Variants in SPDYA observed in about 807,000 individuals in gnomAD.
SPDYA encodes speedy protein A.
A neutral mutation model predicts 36.7 loss-of-function variants in SPDYA; 11 were observed. The observed-to-expected ratio is 0.30, with a 90% CI of 0.19 to 0.50. The LOEUF is 0.50. SPDYA is among the 20% of genes least tolerant of loss of function. SPDYA has a pLI of 0.98. For missense variants in SPDYA, 287 were observed against 370.9 expected, an observed-to-expected ratio of 0.77 and a Z score of 1.86; for synonymous variants, 115 against 118.7, an observed-to-expected ratio of 0.97 and a Z score of 0.20.
intron 5 of SPDYA, among the ~76,000 whole-genome samples, chr2:28,824,348 G>A (rs1230458399): frequency 2.0e-5 from 3 of 151,562 alleles, no homozygotes; most frequent in Admixed American, 1.3e-4. Flanking sequence ...ATGGTGGCAT[G>A]TGCCTGTAGT....
intron 6 of SPDYA, among the ~76,000 whole-genome samples, chr2:28,837,816 C>T (rs1668646804): frequency 6.6e-6 from 1 of 151,112 alleles, no homozygotes; most frequent in African/African-American, 2.4e-5. Context: ...CATTCTCCTC[C>T]CTGCCAGGGA....
chr2:28,812,001 CAT>C (rs1667860015), intron 1 of SPDYA, among the ~76,000 whole-genome samples: 1 of 152,168 alleles, frequency 6.6e-6, no homozygotes, highest in African/African-American at 2.4e-5. Context: ...GTGTTTTACA[CAT>C]GATTTTATTT....
In SPDYA at chr2:28,850,177, C is replaced by A. The variant is rs1419134495; in HGVS notation, c.*236C>A. ...TTTTGATATTTTTCCATCTTCAAGT[C>A]AGTTACTGTCATCTGGAGTACTCAG... On this transcript the variant is annotated 3_prime_UTR_variant, in exon 8 of 8. Transcript: ENST00000334056. The A allele has an allele frequency of 1.9e-6, 3 of 1,599,756 alleles. No homozygotes were observed. In the South Asian group the frequency reaches 3.4e-5, roughly 18 times the overall value.
At chr2:28,830,455 G>A (rs1480291988) in intron 6 of SPDYA, among the ~76,000 whole-genome samples, 4 of 151,806 alleles carry the variant, frequency 2.6e-5, no homozygotes, top group South Asian at 2.1e-4. Flanking sequence ...CGCCCGCCTC[G>A]GCCTCCCAAA....
chr2:28,817,501 C>T lies in SPDYA; in HGVS notation c.235+1252C>T, dbSNP rs888216076. On this transcript the variant is annotated intron_variant, in intron 3 of 7. Coordinates refer to ENST00000334056, the MANE Select transcript of SPDYA (RefSeq NM_182756.4). ...GCTTCAACCCGGGAGGTGGAGGTTG[C>T]GGTGAGCCGAGATCGCACCATTGCA... Among the ~76,000 whole-genome samples, 6 of 151,024 alleles carry T rather than the reference C, an allele frequency of 4.0e-5. No individual in the cohort carries two copies. In the East Asian group the frequency reaches 5.9e-4, roughly 15 times the overall value.
At chr2:28,840,903 A>G (rs1668733749) in intron 7 of SPDYA, 1 of 390,032 alleles carries the variant, frequency 2.6e-6, no homozygotes, top group Admixed American at 7.0e-5. Context: ...GTATTTTCCC[A>G]TGTCATTATT....
At position 28,840,206 on chromosome 2, in the gene SPDYA, A is replaced by G. The variant is rs774935153; in HGVS notation, c.587A>G (p.Gln196Arg). The change falls in exon 7 of 8, where the codon CAA becomes CGA. Residue 196 changes from glutamine (Q) to arginine (R), a missense_variant. Gln to Arg is a conservative substitution (Grantham distance 43). Transcript: ENST00000334056. ...MAIAPTHYIWQRERSVHHSGA... is the reference protein window; with the variant it reads ...MAIAPTHYIWRRERSVHHSGA... ...ATTGCACCAACCCATTATATCTGGC[A>G]AAGAGAACGTTCTGTTCATCACAGT... is the stretch of plus-strand genomic sequence containing the variant. 6.2e-7 allele frequency: 1 copy of G among 1,614,224 alleles called. No individual in the cohort carries two copies. The highest frequency in any genetic ancestry group is 8.5e-7 in the Non-Finnish European group (1 of 1,180,030).
intron 3 of SPDYA, among the ~76,000 whole-genome samples, chr2:28,816,651 A>G (rs903884728): frequency 6.6e-6 from 1 of 152,212 alleles, no homozygotes; most frequent in East Asian, 1.9e-4. Context: ...AAACCCAAGA[A>G]AACTAGGAAG....
In SPDYA at chr2:28,849,941, A is replaced by G. The variant is rs1175766142; in HGVS notation, c.942A>G (p.Ter314TrpextTer11). The change falls in exon 8 of 8, where the codon TGA becomes TGG. Residue 314 changes from the stop codon to tryptophan (W), a stop_lost. Coordinates refer to ENST00000334056, the MANE Select transcript of SPDYA (RefSeq NM_182756.4). ...AGTGGTTTACAGGAAGTGAAGAATG[A>G]GATGGCCCAACTAAACCAATTTGGA... is the stretch of plus-strand genomic sequence containing the variant. ...SMEWFTGSEE* is the reference protein window; with the variant it reads ...SMEWFTGSEEW 6.3e-7 allele frequency: 1 copy of G among 1,582,702 alleles called. No homozygotes were observed. The highest frequency in any genetic ancestry group is 8.6e-7 in the Non-Finnish European group (1 of 1,167,442).
At chr2:28,823,766 G>A (rs1204310857) in intron 5 of SPDYA, among the ~76,000 whole-genome samples, 14 of 76,876 alleles carry the variant, frequency 1.8e-4, no homozygotes, top group Admixed American at 5.2e-4. Flanking sequence ...TTTTTTTTGA[G>A]ATGGAGTCTC....
At chr2:28,842,951 T>A (rs971771819) in intron 7 of SPDYA, among the ~76,000 whole-genome samples, 1 of 151,882 alleles carries the variant, frequency 6.6e-6, no homozygotes, top group Non-Finnish European at 1.5e-5. Flanking sequence ...ATTGGAATCA[T>A]CTGATAGTAT....
intron 7 of SPDYA, among the ~76,000 whole-genome samples, chr2:28,845,492 C>G (rs1668850412): frequency 6.6e-6 from 1 of 152,122 alleles, no homozygotes; most frequent in East Asian, 1.9e-4. Flanking sequence ...TAAATTTTCT[C>G]TCTGCATCCA....
chr2:28,818,686 A>G (rs922488501), intron 3 of SPDYA, among the ~76,000 whole-genome samples: 1 of 152,164 alleles, frequency 6.6e-6, no homozygotes, highest in African/African-American at 2.4e-5. Context: ...TCCTTTTTAT[A>G]TAGACATTTT....
intron 3 of SPDYA, among the ~76,000 whole-genome samples, chr2:28,817,486 G>C (rs188096007): frequency 1.3e-5 from 2 of 151,790 alleles, no homozygotes; most frequent in African/African-American, 4.8e-5. Context: ...GCTTCAACCC[G>C]GGAGGTGGAG....
intron 7 of SPDYA, among the ~76,000 whole-genome samples, chr2:28,849,377 C>T (rs552040203): frequency 3.4e-4 from 52 of 152,276 alleles, no homozygotes; most frequent in Middle Eastern, 6.8e-3. Context: ...CTGCAACCTT[C>T]GCCTTCCAGG....
intron 6 of SPDYA, among the ~76,000 whole-genome samples, chr2:28,830,134 A>G (rs66663726): frequency 0.2 from 29,637 of 150,704 alleles, 3,663 homozygotes; most frequent in Middle Eastern, 0.3. Flanking sequence ...GCGAAACTCC[A>G]TCTCAAAAAC....
At chr2:28,842,283 A>G (rs1011434205) in intron 7 of SPDYA, 3 of 152,268 alleles carry the variant, frequency 2.0e-5, no homozygotes, top group Admixed American at 1.3e-4. Flanking sequence ...GAAAGGCTAC[A>G]TGAAGTGAGC....
At chr2:28,821,178 A>ATTTTCT (rs1553314774) in intron 4 of SPDYA, among the ~76,000 whole-genome samples, 45 of 130,340 alleles carry the variant, frequency 3.5e-4, no homozygotes, top group African/African-American at 1.2e-3. Flanking sequence ...TTATGATGTG[A>ATTTTCT]TTTTTTTTTT....
chr2:28,842,413 G>A (rs1668771764), intron 7 of SPDYA: 1 of 152,238 alleles, frequency 6.6e-6, no homozygotes. Flanking sequence ...CCACAGTATA[G>A]GCCTTGACAT....
Sources: allele counts gnomAD v4.1 joint callset (sites outside exome capture counted in the v4.1 genomes callset), GRCh38; gene constraint gnomAD v4.1.1; transcripts MANE v1.5; gene names NCBI Gene and HGNC (gene_info 2026-07-23, HGNC 2026-07-21).